The following SYT13 variants were observed in gnomAD, a reference collection of about 807,000 sequenced individuals.
SYT13 encodes synaptotagmin-13.
Under a neutral mutation model 38.6 loss-of-function variants are expected in SYT13, and 21 were observed. The observed-to-expected ratio is 0.54, with a 90% CI of 0.39 to 0.78. SYT13 has a LOEUF of 0.78. Ranked by LOEUF, SYT13 falls within the 30% of genes least tolerant of loss-of-function variation. SYT13 has a pLI of 0.00. For synonymous variants in SYT13, 241 were observed against 237.6 expected (o/e 1.01, Z -0.13); for missense variants, 495 against 548.7 (o/e 0.90, Z 0.98).
chr11:45,260,913 CTGGGACTTCTCCA>C (rs1041857178), intron 1 of SYT13, among the ~76,000 whole-genome samples: 3 of 152,200 alleles, frequency 2.0e-5, no homozygotes, highest in Non-Finnish European at 4.4e-5. Context: ...GCCTTCTGCC[CTGGGACTTCTCCA>C]TGCCTGCTGA....
At position 45,252,742 on chromosome 11, in the gene SYT13, C is replaced by T; in HGVS notation, c.545-20G>A. The T allele has an allele frequency of 6.5e-7, 1 of 1,547,570 alleles. No individual in the cohort carries two copies. The highest frequency in any genetic ancestry group is 8.8e-7 in the Non-Finnish European group (1 of 1,141,620). On this transcript the variant is annotated intron_variant, in intron 3 of 5. Transcript: ENST00000020926. This position sits in a 1 kb window ranked among gnomAD's most constrained non-coding sequence, Gnocchi z 4.3. ...TCACAGCTGCAGGCAAGGAGAACAA[C>T]ACAGGCGTGGGACTTTCTGAGGACA...
chr11:45,250,996 T>C (rs1414213029), intron 4 of SYT13, among the ~76,000 whole-genome samples: 1 of 152,022 alleles, frequency 6.6e-6, no homozygotes, highest in Non-Finnish European at 1.5e-5. Context: ...TCCTCATCTG[T>C]AAGAGGGATA....
At chr11:45,278,302 T>C (rs946528470) in intron 1 of SYT13, among the ~76,000 whole-genome samples, 6 of 152,158 alleles carry the variant, frequency 3.9e-5, no homozygotes, top group African/African-American at 1.4e-4. Flanking sequence ...GGAGGTGAAC[T>C]GCTGCTGGTT....
chr11:45,249,363 C>A (rs1854647774), intron 4 of SYT13, among the ~76,000 whole-genome samples: 1 of 152,174 alleles, frequency 6.6e-6, no homozygotes, highest in African/African-American at 2.4e-5. Context: ...GGATCTAGAA[C>A]TAGAAATACC....
intron 1 of SYT13, among the ~76,000 whole-genome samples, chr11:45,281,904 G>A (rs1279409423): frequency 6.6e-6 from 1 of 152,196 alleles, no homozygotes; most frequent in Non-Finnish European, 1.5e-5. Context: ...CCAAATGGTA[G>A]GGGTACAGGA....
At chr11:45,274,681 C>T (rs1316112720) in intron 1 of SYT13, among the ~76,000 whole-genome samples, 1 of 152,196 alleles carries the variant, frequency 6.6e-6, no homozygotes, top group Non-Finnish European at 1.5e-5. Flanking sequence ...TTCCAGTTGC[C>T]TTACCAAACC....
chr11:45,269,403 C>T, intron 1 of SYT13: 4 of 1,177,882 alleles, frequency 3.4e-6, no homozygotes, highest in Non-Finnish European at 4.3e-6. Context: ...TGGCAAGATC[C>T]TACCTAGAGA....
intron 4 of SYT13, 25 bp from the exon 5 acceptor site, chr11:45,246,537 A>C: frequency 6.2e-7 from 1 of 1,612,274 alleles, no homozygotes; most frequent in Non-Finnish European, 8.5e-7. Flanking sequence ...GAGATGCAGG[A>C]GGGGAGTCTC....
Position 45,252,411 on chromosome 11 carries a change from G to A in SYT13, c.846+10C>T, listed in dbSNP as rs1450213965. 1.9e-6 allele frequency: 3 copies of A among 1,562,352 alleles called. No individual in the cohort carries two copies. The highest frequency in any genetic ancestry group is 2.3e-5 in the South Asian group (2 of 86,618). On this transcript the variant is annotated intron_variant, in intron 4 of 5. Transcript: ENST00000020926. The surrounding 1 kb of genome is among the most constrained non-coding windows in gnomAD (Gnocchi z 4.3). ...CAGGTTTTACCTTTCTAACCCAGGGGTTACCCTACCTTCGCTGAAGTCTTC... is the reference window on the plus strand; with the variant it reads ...CAGGTTTTACCTTTCTAACCCAGGGATTACCCTACCTTCGCTGAAGTCTTC...
intron 1 of SYT13, among the ~76,000 whole-genome samples, chr11:45,264,252 T>A (rs1000664): frequency 6.6e-6 from 1 of 151,982 alleles, no homozygotes; most frequent in Non-Finnish European, 1.5e-5. Flanking sequence ...GACCTCTCAG[T>A]GTCCCGTCCC....
intron 1 of SYT13, among the ~76,000 whole-genome samples, chr11:45,281,851 C>G (rs1047475014): frequency 6.6e-6 from 1 of 152,144 alleles, no homozygotes; most frequent in Non-Finnish European, 1.5e-5. Flanking sequence ...GAAAACTAGG[C>G]CATGAAAAAG....
chr11:45,244,408 T>C, intron 5 of SYT13, 52 bp from the exon 6 acceptor site: 2 of 1,568,380 alleles, frequency 1.3e-6, no homozygotes, highest in Non-Finnish European at 1.7e-6. Flanking sequence ...CAAGAGTGAG[T>C]TTCTGGGATC....
intron 1 of SYT13, among the ~76,000 whole-genome samples, chr11:45,276,638 G>GT (rs909996671): frequency 2.5e-4 from 37 of 149,376 alleles, no homozygotes; most frequent in South Asian, 4.3e-4. Context: ...AGAATTTGGG[G>GT]TTTTTTTTTA....
At chr11:45,264,102 A>C (rs1041993210) in intron 1 of SYT13, among the ~76,000 whole-genome samples, 25 of 152,196 alleles carry the variant, frequency 1.6e-4, no homozygotes, top group African/African-American at 5.8e-4. Context: ...ATTTGTGATA[A>C]ATATAGACAT....
intron 1 of SYT13, among the ~76,000 whole-genome samples, chr11:45,274,707 T>C (rs938907239): frequency 6.6e-6 from 1 of 152,206 alleles, no homozygotes; most frequent in Non-Finnish European, 1.5e-5. Flanking sequence ...TACCCAACCT[T>C]ATCTGCATCT....
In SYT13 at chr11:45,241,642, G is replaced by T. The variant is rs895189481; in HGVS notation, c.*2410C>A. On this transcript the variant is annotated 3_prime_UTR_variant, in exon 6 of 6. Transcript: ENST00000020926. ...GAAATTCCTTTGATGGTACTATAAG[G>T]CAGCTGCACAGATTTATAAGGAGCC... The T allele has an allele frequency of 2.6e-5, 4 of 152,108 alleles. No individual in the cohort carries two copies. Among genetic ancestry groups the T allele is most frequent in the African/African-American group, 9.7e-5 (4 of 41,428 alleles). 9.4% of individuals were successfully genotyped at this position (152,108 alleles called of 1,614,324 possible).
chr11:45,262,603 G>A (rs574106165), intron 1 of SYT13, among the ~76,000 whole-genome samples: 5 of 151,922 alleles, frequency 3.3e-5, no homozygotes, highest in Non-Finnish European at 5.9e-5. Context: ...GTGCACGCCT[G>A]TAGTCCCAGC....
At chr11:45,249,146 A>G (rs1205799455) in intron 4 of SYT13, among the ~76,000 whole-genome samples, 8 of 152,246 alleles carry the variant, frequency 5.3e-5, no homozygotes, top group Admixed American at 2.0e-4. Flanking sequence ...CAGACATATG[A>G]AAAAATGCTC....
chr11:45,265,300 C>T (rs2902431), intron 1 of SYT13, among the ~76,000 whole-genome samples: 6 of 152,224 alleles, frequency 3.9e-5, no homozygotes, highest in East Asian at 1.9e-4. Context: ...ACAATTTGGC[C>T]GCTCAGGCGA....
Sources: allele counts gnomAD v4.1 joint callset (sites outside exome capture counted in the v4.1 genomes callset), GRCh38; gene constraint gnomAD v4.1.1; non-coding constraint Gnocchi (gnomAD v3.1); transcripts MANE v1.5; gene names NCBI Gene and HGNC (gene_info 2026-07-23, HGNC 2026-07-21).